Variants in LOC122539214 observed in about 807,000 individuals in gnomAD.
the LOC122539214 span, among the ~76,000 whole-genome samples, chr19:52,674,552 G>A: frequency 6.6e-6 from 1 of 152,054 alleles, no homozygotes; most frequent in Non-Finnish European, 1.5e-5. Flanking sequence ...AATACAAGTG[G>A]AACTAATAAA....
At chr19:52,667,474 G>GA in the LOC122539214 span, among the ~76,000 whole-genome samples, 2 of 152,138 alleles carry the variant, frequency 1.3e-5, no homozygotes, top group Non-Finnish European at 2.9e-5. Context: ...AACTGTTGAA[G>GA]AAACAGTTTA....
the LOC122539214 span, among the ~76,000 whole-genome samples, chr19:52,661,149 C>G: frequency 6.6e-6 from 1 of 152,116 alleles, no homozygotes; most frequent in African/African-American, 2.4e-5. Context: ...AGGGGTAAAC[C>G]ACCAGACCCA....
chr19:52,679,585 T>C, the LOC122539214 span, among the ~76,000 whole-genome samples: 1 of 152,130 alleles, frequency 6.6e-6, no homozygotes, highest in East Asian at 1.9e-4. Context: ...CACTCCAGCA[T>C]GGGTGACAGA....
the LOC122539214 span, chr19:52,655,658 T>C: frequency 7.6e-7 from 1 of 1,318,102 alleles, no homozygotes; most frequent in Non-Finnish European, 1.1e-6. Context: ...AAGAGAATTC[T>C]ATAGCCACAT....
At chr19:52,662,366 A>C in the LOC122539214 span, among the ~76,000 whole-genome samples, 1 of 152,142 alleles carries the variant, frequency 6.6e-6, no homozygotes, top group South Asian at 2.1e-4. Flanking sequence ...TTAATATCCC[A>C]GCAGAGAGCT....
the LOC122539214 span, among the ~76,000 whole-genome samples, chr19:52,670,443 C>T: frequency 6.6e-6 from 1 of 152,162 alleles, no homozygotes; most frequent in Non-Finnish European, 1.5e-5. Context: ...CCATTGCTCC[C>T]TCTGTGAGGG....
At chr19:52,690,360 G>C in the LOC122539214 span, 1 of 154,268 alleles carries the variant, frequency 6.5e-6, no homozygotes, top group Admixed American at 6.5e-5. Context: ...AGAAGTTCCA[G>C]ATCTGTGGGG....
the LOC122539214 span, chr19:52,654,210 G>C: frequency 6.3e-7 from 1 of 1,591,194 alleles, no homozygotes; most frequent in Non-Finnish European, 8.6e-7. Flanking sequence ...TTTTTGTCAT[G>C]GGTGCTTCAT....
the LOC122539214 span, among the ~76,000 whole-genome samples, chr19:52,668,588 A>G: frequency 4.2e-3 from 633 of 152,246 alleles, 4 homozygotes; most frequent in African/African-American, 6.2e-3. Flanking sequence ...TATGAAATCA[A>G]ACTATGACAT....
At chr19:52,664,776 C>T in the LOC122539214 span, among the ~76,000 whole-genome samples, 2 of 151,434 alleles carry the variant, frequency 1.3e-5, no homozygotes, top group African/African-American at 4.9e-5. Flanking sequence ...GGGGAAGAGG[C>T]CTGGGCTGTG....
the LOC122539214 span, among the ~76,000 whole-genome samples, chr19:52,653,673 T>G: frequency 6.6e-6 from 1 of 152,214 alleles, no homozygotes; most frequent in African/African-American, 2.4e-5. Context: ...CAGTATGAAG[T>G]CTATGATGGC....
At chr19:52,680,604 ATATTTTTT>A in the LOC122539214 span, among the ~76,000 whole-genome samples, 2 of 89,932 alleles carry the variant, frequency 2.2e-5, no homozygotes, top group African/African-American at 6.8e-5. Flanking sequence ...TTTCCACAAA[ATATTTTTT>A]TTTTTTTTTT....
the LOC122539214 span, among the ~76,000 whole-genome samples, chr19:52,658,668 C>T: frequency 2.0e-5 from 3 of 152,184 alleles, no homozygotes; most frequent in Admixed American, 6.5e-5. Context: ...AATAATTGAA[C>T]AGGCTGAAGG....
At chr19:52,650,567 C>G in the LOC122539214 span, 1 of 152,176 alleles carries the variant, frequency 6.6e-6, no homozygotes, top group East Asian at 1.9e-4. Flanking sequence ...GAACTTATTA[C>G]TTTTCTAATA....
chr19:52,661,268 G>C, the LOC122539214 span, among the ~76,000 whole-genome samples: 1 of 152,184 alleles, frequency 6.6e-6, no homozygotes, highest in Non-Finnish European at 1.5e-5. Flanking sequence ...CTGCACCAGA[G>C]ATCATGCAGA....
chr19:52,650,786 T>C, the LOC122539214 span: 12 of 152,360 alleles, frequency 7.9e-5, no homozygotes, highest in Middle Eastern at 3.4e-3. Context: ...AGTGGCCTAA[T>C]GGCAAAGTTA....
At chr19:52,659,046 G>A in the LOC122539214 span, among the ~76,000 whole-genome samples, 4 of 152,110 alleles carry the variant, frequency 2.6e-5, no homozygotes, top group Non-Finnish European at 4.4e-5. Context: ...TCTATGTGTC[G>A]GTGTACGTTT....
chr19:52,680,758 G>T, the LOC122539214 span, among the ~76,000 whole-genome samples: 7 of 137,090 alleles, frequency 5.1e-5, no homozygotes, highest in Non-Finnish European at 9.0e-5. Flanking sequence ...GACTACAGGC[G>T]CCCGCCACTA....
At chr19:52,677,143 A>G in the LOC122539214 span, among the ~76,000 whole-genome samples, 20 of 140,454 alleles carry the variant, frequency 1.4e-4, no homozygotes, top group Middle Eastern at 3.5e-3. Flanking sequence ...AAAGAAAAAA[A>G]GAAAAAAAAA....
Sources: allele counts gnomAD v4.1 joint callset (sites outside exome capture counted in the v4.1 genomes callset), GRCh38; gene constraint gnomAD v4.1.1; transcripts MANE v1.5.